Variants in KDM6B observed in about 807,000 individuals in gnomAD.
The protein encoded by KDM6B is lysine-specific demethylase 6B.
Under a neutral mutation model 150.4 loss-of-function variants are expected in KDM6B, and 22 were observed. The observed-to-expected ratio is 0.15, with a 90% confidence interval of 0.10 to 0.21. KDM6B has a LOEUF of 0.21. KDM6B is among the 10% of genes least tolerant of loss of function. KDM6B has a pLI of 1.00. For missense variants in KDM6B, 1,984 were observed against 2,234.3 expected (o/e 0.89, Z 2.26); for synonymous variants, 1,148 against 921.1 (o/e 1.25, Z -4.46).
At chr17:7,847,058 C>G in intron 10 of KDM6B, 42 bp downstream of exon 10, 1 of 1,610,430 alleles carries the variant, frequency 6.2e-7, no homozygotes, top group Non-Finnish European at 8.5e-7. Flanking sequence ...ACCTACAAGT[C>G]CCACGCTCTC....
At chr17:7,852,122 C>T (rs372391324) in intron 19 of KDM6B, 27 bp from the exon 20 acceptor site, 23 of 1,613,782 alleles carry the variant, frequency 1.4e-5, no homozygotes, top group Non-Finnish European at 1.2e-5. Context: ...GTCCCCAGTT[C>T]CCACCTGACC....
At chr17:7,852,901 G>A (rs562175524) in intron 21 of KDM6B, 99 bp from the exon 22 acceptor site, 220 of 1,536,030 alleles carry the variant, frequency 1.4e-4, no homozygotes, top group South Asian at 2.0e-4. Flanking sequence ...AGGCCCCTAG[G>A]GGAGGGCCCT....
In KDM6B at chr17:7,844,572, G is replaced by A. The variant is rs924854205; in HGVS notation, c.-268-329G>A. Among the ~76,000 whole-genome samples, 2 of 152,168 alleles carry A rather than the reference G, an allele frequency of 1.3e-5. No homozygotes were observed. The highest frequency in any genetic ancestry group is 4.8e-5 in the African/African-American group (2 of 41,440). On this transcript the variant is annotated intron_variant, in intron 2 of 23. Coordinates refer to ENST00000448097, the MANE Select transcript of KDM6B (RefSeq NM_001348716.2). This position sits in a 1 kb window ranked among gnomAD's most constrained non-coding sequence, Gnocchi z 5.9. ...TTTTTGCGTTCTGCATCCGTCTGTC[G>A]TCCGTCGGTCTTACGGTGGCCGGGC...
Position 7,845,973 on chromosome 17 carries a change from G to C in KDM6B, c.236+3G>C, listed in dbSNP as rs1181133730. The C allele has an allele frequency of 6.2e-7, 1 of 1,613,310 alleles. No homozygotes were observed. The highest frequency in any genetic ancestry group is 1.3e-5 in the African/African-American group (1 of 75,004). ...AGCAAACCATATTATGCTCCAGGGT[G>C]AGTGGATATTTGAAGGTTCTGGGAG... On this transcript the variant is annotated splice_donor_region_variant and intron_variant, in intron 6 of 23. Transcript: ENST00000448097.
chr17:7,848,916 G>T lies in KDM6B; in HGVS notation c.2628G>T (p.Gly876=). 1 of 1,602,366 alleles carries T rather than the reference G, an allele frequency of 6.2e-7. No homozygotes were observed. The highest frequency in any genetic ancestry group is 8.5e-7 in the Non-Finnish European group (1 of 1,173,238). ...CATCTCAGTTCTCTACCTCAGGCGG[G>T]CCCTGGGCCCGGGAGCGCAGGGCGG... The part of the protein sequence containing the change: ...SSSSQFSTSG[G]PWARERRAGE... The change falls in exon 12 of 24, where the codon GGG becomes GGT. Residue 876 remains glycine (G), a synonymous_variant. Transcript: ENST00000448097.
Position 7,847,708 on chromosome 17 carries a change from C to A in KDM6B, c.1420C>A (p.Pro474Thr). 2 of 1,122,494 alleles carry A rather than the reference C, an allele frequency of 1.8e-6. No homozygotes were observed. Among genetic ancestry groups the A allele is most frequent in the African/African-American group, 1.8e-5 (1 of 54,092 alleles). 69.5% of individuals were successfully genotyped at this position (1,122,494 alleles called of 1,614,324 possible). The change falls in exon 12 of 24, where the codon CCC (proline) becomes ACC (threonine). Residue 474 changes from proline (P) to threonine (T), a missense_variant. Around this residue, in one of 13 missense-constraint regions of KDM6B, gnomAD observed 1,379 missense variants for 1,275.6 expected, o/e 1.08. Transcript: ENST00000448097. The part of the protein sequence containing the change: ...GPSSPPPPPC[P>T]RLLRPPPPPA... ...TTCCTCACCCCCTCCACCCCCCTGT[C>A]CCCGCCTCTTACGCCCCCCACCACC...
Position 7,845,896 on chromosome 17 carries a change from C to G in KDM6B, c.162C>G (p.Pro54=), listed in dbSNP as rs777295095. ...GATGCTCAGCCAGCATTGGGCAGCCCCCGCTTCCTGCTCCCCTACCCCCTT... is the reference window on the plus strand; with the variant it reads ...GATGCTCAGCCAGCATTGGGCAGCCGCCGCTTCCTGCTCCCCTACCCCCTT... ...GGRCSASIGQ[P]PLPAPLPPSH... Residue 54 remains proline (P), a synonymous_variant, in exon 6 of 24, where the codon CCC becomes CCG. Transcript: ENST00000448097. 3 of 1,614,040 alleles carry G rather than the reference C, an allele frequency of 1.9e-6. No individual in the cohort carries two copies. The highest frequency in any genetic ancestry group is 2.5e-6 in the Non-Finnish European group (3 of 1,179,870).
At position 7,852,334 on chromosome 17, in the gene KDM6B, C is replaced by G; in HGVS notation, c.4466C>G (p.Thr1489Ser). 6.2e-7 allele frequency: 1 copy of G among 1,612,524 alleles called. No homozygotes were observed. The highest frequency in any genetic ancestry group is 8.5e-7 in the Non-Finnish European group (1 of 1,179,740). The part of the protein sequence containing the change: ...NNIAWNVGPL[T>S]AYQYQLALER... The stretch of plus-strand genomic sequence containing the variant: ...ATTGCCTGGAACGTGGGGCCCCTCA[C>G]CGGTGAGAGGGTGGGGCAGGTGTTG... The change falls in exon 20 of 24, where the codon ACC (threonine) becomes AGC (serine). Residue 1489 changes from threonine to serine, a missense_variant and splice_region_variant. This residue lies in a region of KDM6B where 41 missense variants were observed against 158.8 expected (regional missense o/e 0.26). Transcript: ENST00000448097.
chr17:7,851,820 T>G (rs374255317), intron 18 of KDM6B, 24 bp downstream of exon 18: 3 of 1,557,824 alleles, frequency 1.9e-6, no homozygotes, highest in South Asian at 1.2e-5. Flanking sequence ...CTGTGCGCGC[T>G]GATGCTGGAA....
In KDM6B at chr17:7,852,024, G is replaced by T; in HGVS notation, c.4239G>T (p.Val1413=). 6.2e-7 allele frequency: 1 copy of T among 1,614,110 alleles called. No individual in the cohort carries two copies. The highest frequency in any genetic ancestry group is 8.5e-7 in the Non-Finnish European group (1 of 1,180,028). ...CAGGCGACTGCGAGTGGTTCGCGGT[G>T]CACGAGCACTACTGGGAGACCATCA... is the stretch of plus-strand genomic sequence containing the variant. ...IGPGDCEWFA[V]HEHYWETISA... Residue 1413 remains valine (V), a synonymous_variant, in exon 19 of 24, where the codon GTG becomes GTT. Coordinates refer to ENST00000448097, the MANE Select transcript of KDM6B (RefSeq NM_001348716.2).
rs2078735692 is a variant in KDM6B, at chr17:7,853,139, G to C, written c.4737+13G>C. Reference sequence around the variant, plus strand: ...CAACGAGTGCGATGTGAGTGGGCCGGCTCTGCTGCTCTCCCTGAGTGTCCA... The same window carrying C: ...CAACGAGTGCGATGTGAGTGGGCCGCCTCTGCTGCTCTCCCTGAGTGTCCA... On this transcript the variant is annotated intron_variant, in intron 22 of 23. Transcript: ENST00000448097. The C allele has an allele frequency of 6.2e-7, 1 of 1,614,082 alleles. No homozygotes were observed. The highest frequency in any genetic ancestry group is 8.5e-7 in the Non-Finnish European group (1 of 1,179,990).
intron 2 of KDM6B, among the ~76,000 whole-genome samples, chr17:7,841,713 G>A (rs1181028133): frequency 6.6e-6 from 1 of 152,206 alleles, no homozygotes; most frequent in East Asian, 1.9e-4. Flanking sequence ...ACAGCGCCCA[G>A]TCAGAGGCAG....
intron 1 of KDM6B, among the ~76,000 whole-genome samples, chr17:7,839,266 A>T (rs1053097789): frequency 6.6e-6 from 1 of 152,022 alleles, no homozygotes; most frequent in Non-Finnish European, 1.5e-5. Context: ...AAGAGGAAGG[A>T]GGTGATGGGG....
chr17:7,853,530 GC>G lies in KDM6B; in HGVS notation c.*13del. ...CCAGCACGTCGCGATGAGGCCGGAC[GC>G]CCCGCCCGCCTGCCTGCCCGCGCAA... On this transcript the variant is annotated 3_prime_UTR_variant, in exon 24 of 24. Transcript: ENST00000448097. 1 of 1,445,418 alleles carries G rather than the reference GC, an allele frequency of 6.9e-7. No homozygotes were observed. The highest frequency in any genetic ancestry group is 1.3e-5 in the South Asian group (1 of 74,548). 89.5% of individuals were successfully genotyped at this position (1,445,418 alleles called of 1,614,324 possible). A position where few individuals can be genotyped will look rare whatever the true frequency, so the allele number is the denominator to read the frequency against.
At chr17:7,852,726 C>G in intron 21 of KDM6B, 90 bp downstream of exon 21, 3 of 1,559,890 alleles carry the variant, frequency 1.9e-6, no homozygotes, top group South Asian at 2.2e-5. Flanking sequence ...TTTTACCTCT[C>G]TCCATCCTTG....
rs185102289 is a variant in KDM6B, at chr17:7,850,968, C to T, written c.3674-53C>T. 174 of 1,482,584 alleles carry T rather than the reference C, an allele frequency of 1.2e-4. 2 individuals are homozygous for T. In the African/African-American group the frequency reaches 1.7e-3, roughly 14 times the overall value. 91.8% of individuals were successfully genotyped at this position (1,482,584 alleles called of 1,614,324 possible). The stretch of plus-strand genomic sequence containing the variant: ...GAAGGGAAAGGGTCGATTGGGTCCT[C>T]GGTCCCTATCCTCTGCCTCTGCCCC... On this transcript the variant is annotated intron_variant, in intron 14 of 23. Transcript: ENST00000448097.
Position 7,849,495 on chromosome 17 carries a change from C to T in KDM6B, c.3207C>T (p.Val1069=), listed in dbSNP as rs1011726340. ...AGCCCACACCCCCGTCAGCCTCTGT[C>T]CCTGGAAAGAAGGCTCGGGAGGAAG... ...SAQPTPPSAS[V]PGKKAREEAP... The change falls in exon 12 of 24, where the codon GTC becomes GTT. Residue 1069 remains valine (V), a synonymous_variant. Transcript: ENST00000448097. 1.9e-6 allele frequency: 3 copies of T among 1,612,874 alleles called. No homozygotes were observed. Among genetic ancestry groups the T allele is most frequent in the Non-Finnish European group, 2.5e-6 (3 of 1,179,934 alleles).
At chr17:7,851,836 A>G (rs1451124460) in intron 18 of KDM6B, 40 bp downstream of exon 18, 3 of 1,561,744 alleles carry the variant, frequency 1.9e-6, no homozygotes, top group Non-Finnish European at 2.6e-6. Context: ...TGGAAGCGCG[A>G]GAGGAGGGGC....
chr17:7,848,217 G>A lies in KDM6B; in HGVS notation c.1929G>A (p.Gly643=). The part of the protein sequence containing the change: ...SFPKTPEVGP[G]PPPGPLSKAP... ...CAAAGACCCCCGAGGTGGGGCCGGGGCCACCCCCAGGCCCCCTGAGTAAAG... is the reference window on the plus strand; with the variant it reads ...CAAAGACCCCCGAGGTGGGGCCGGGACCACCCCCAGGCCCCCTGAGTAAAG... The change falls in exon 12 of 24, where the codon GGG becomes GGA. Residue 643 remains glycine (G), a synonymous_variant. Transcript: ENST00000448097. 6.2e-7 allele frequency: 1 copy of A among 1,610,348 alleles called. No individual in the cohort carries two copies. The highest frequency in any genetic ancestry group is 8.5e-7 in the Non-Finnish European group (1 of 1,178,068).
Sources: allele counts gnomAD v4.1 joint callset (sites outside exome capture counted in the v4.1 genomes callset), GRCh38; gene constraint gnomAD v4.1.1; regional missense constraint gnomAD v4.1.1; non-coding constraint Gnocchi (gnomAD v3.1); transcripts MANE v1.5; gene names NCBI Gene and HGNC (gene_info 2026-07-23, HGNC 2026-07-21).